The following ATG10 variants were observed in gnomAD, a reference collection of about 807,000 sequenced individuals.
ATG10 encodes the protein autophagy related 10.
In ATG10, 30 loss-of-function variants were observed where a neutral mutation model predicts 32.1. The ratio of observed to expected loss-of-function variants is 0.94; its 90% CI spans 0.70 to 1.27. ATG10 has a LOEUF of 1.27. Among genes scored for constraint, ATG10 ranks in the 50% most tolerant of loss-of-function variants. The pLI is 0.00. For synonymous variants in ATG10, 87 were observed against 91.5 expected (o/e 0.95, Z 0.28); for missense variants, 233 against 262.3 (o/e 0.89, Z 0.77).
rs930049242 is a variant in ATG10 at position 82,178,568 on chromosome 5, G to A, written c.434G>A (p.Trp145Ter). ...AAGATGCGACTGCTACAGGGACCAT[G>A]GGACACTATTACGCAACAGGTTGGA... ...CYKMRLLQGP[W>*]DTITQQEHPI... Residue 145 changes from tryptophan to a stop codon, truncating the protein, a stop_gained, in exon 5 of 8, where the codon TGG becomes TAG. Coordinates refer to ENST00000282185, the MANE Select transcript of ATG10 (RefSeq NM_031482.5). LOFTEE classifies it high-confidence loss of function. 34 of 1,609,876 alleles carry A rather than the reference G, an allele frequency of 2.1e-5. No homozygotes were observed. The highest frequency in any genetic ancestry group is 2.8e-5 in the Non-Finnish European group (33 of 1,176,574).
Position 82,178,503 on chromosome 5 carries a change from A to C in ATG10, c.369A>C (p.Leu123Phe), listed in dbSNP as rs769990188. The C allele has an allele frequency of 1.4e-5, 23 of 1,608,990 alleles. No homozygotes were observed. The Middle Eastern group carries it at 1.3e-3, about 92-fold the overall frequency. Residue 123 changes from leucine (L) to phenylalanine (F), a missense_variant, in exon 5 of 8, where the codon TTA (leucine) becomes TTC (phenylalanine). By Grantham distance (22) the Leu-to-Phe change is conservative. Coordinates refer to ENST00000282185, the MANE Select transcript of ATG10 (RefSeq NM_031482.5). The part of the protein sequence containing the change: ...FRASFLDGRP[L>F]TLKDIWEGVH... ...GCACTTTCACAGATGGGAGACCTTT[A>C]ACTCTGAAGGACATATGGGAAGGAG...
intron 3 of ATG10, among the ~76,000 whole-genome samples, chr5:82,151,028 G>T (rs1767572943): frequency 6.6e-6 from 1 of 152,134 alleles, no homozygotes. Flanking sequence ...GATCAATTTT[G>T]CCTTCATAAT....
intron 3 of ATG10, among the ~76,000 whole-genome samples, chr5:82,113,356 A>T (rs1765675818): frequency 6.6e-6 from 1 of 152,046 alleles, no homozygotes; most frequent in African/African-American, 2.4e-5. Context: ...ATTGCAGACT[A>T]GCAAACTAAA....
At chr5:81,985,565 C>T (rs994523412) in intron 1 of ATG10, among the ~76,000 whole-genome samples, 4 of 152,162 alleles carry the variant, frequency 2.6e-5, no homozygotes, top group African/African-American at 9.7e-5. Flanking sequence ...CAAACCTGCT[C>T]TTCCTCCAGA....
intron 2 of ATG10, among the ~76,000 whole-genome samples, chr5:82,029,390 C>T (rs189055848): frequency 2.6e-4 from 40 of 152,248 alleles, no homozygotes; most frequent in Admixed American, 1.3e-3. Context: ...CCAGTTTACC[C>T]TATTATTCAA....
At chr5:82,053,436 T>C (rs1025184042) in intron 2 of ATG10, among the ~76,000 whole-genome samples, 2 of 144,384 alleles carry the variant, frequency 1.4e-5, no homozygotes, top group Non-Finnish European at 3.0e-5. Context: ...TTTCACATTT[T>C]GATATGTCTT....
chr5:82,082,450 C>G (rs1764517120), intron 3 of ATG10, among the ~76,000 whole-genome samples: 2 of 152,112 alleles, frequency 1.3e-5, no homozygotes, highest in Non-Finnish European at 1.5e-5. Flanking sequence ...GGCTCAGTTT[C>G]TTTTTCTTTC....
At chr5:82,044,236 AG>A (rs919882775) in intron 2 of ATG10, among the ~76,000 whole-genome samples, 13 of 152,056 alleles carry the variant, frequency 8.5e-5, no homozygotes, top group African/African-American at 2.2e-4. Flanking sequence ...GAGCGAGCAA[AG>A]GGGGAAGTGC....
chr5:81,996,079 A>T (rs1364099116), intron 2 of ATG10, among the ~76,000 whole-genome samples: 3 of 152,228 alleles, frequency 2.0e-5, no homozygotes, highest in Non-Finnish European at 4.4e-5. Context: ...AAATCAATTT[A>T]GTTTAATTTA....
chr5:81,976,834 C>T (rs529390786), intron 1 of ATG10, among the ~76,000 whole-genome samples: 9 of 152,154 alleles, frequency 5.9e-5, no homozygotes, highest in Non-Finnish European at 1.0e-4. Context: ...TTTGCAACCT[C>T]CAGCATAAAT....
chr5:81,982,433 G>A (rs1761076397), intron 1 of ATG10, among the ~76,000 whole-genome samples: 1 of 152,056 alleles, frequency 6.6e-6, no homozygotes, highest in East Asian at 1.9e-4. Flanking sequence ...GCCACTGCCT[G>A]GGCGATTCCG....
intron 3 of ATG10, among the ~76,000 whole-genome samples, chr5:82,065,913 G>C (rs2149760684): frequency 6.6e-6 from 1 of 151,424 alleles, no homozygotes; most frequent in East Asian, 1.9e-4. Context: ...TTTTTTTTAA[G>C]GTTCTAAATT....
chr5:82,011,280 A>G (rs1415696793), intron 2 of ATG10, among the ~76,000 whole-genome samples: 2 of 152,236 alleles, frequency 1.3e-5, no homozygotes, highest in Non-Finnish European at 1.5e-5. Flanking sequence ...GCCTCAATAC[A>G]TATACTGAAT....
chr5:82,065,671 A>G (rs1359809256), intron 3 of ATG10, among the ~76,000 whole-genome samples: 1 of 152,044 alleles, frequency 6.6e-6, no homozygotes, highest in East Asian at 1.9e-4. Flanking sequence ...AGAAATTGAG[A>G]TATCATTTAA....
intron 2 of ATG10, among the ~76,000 whole-genome samples, chr5:82,024,613 A>C (rs566083047): frequency 1.3e-5 from 2 of 152,240 alleles, no homozygotes; most frequent in Admixed American, 1.3e-4. Context: ...CATTTGGTCT[A>C]GGATAAGATT....
At chr5:82,058,669 T>TA in intron 3 of ATG10, 67 bp downstream of exon 3, 1 of 1,061,424 alleles carries the variant, frequency 9.4e-7, no homozygotes, top group Non-Finnish European at 1.4e-6. Context: ...ATGTATACTT[T>TA]AATGACTCCA....
chr5:82,168,457 C>T (rs1743666042), intron 4 of ATG10, among the ~76,000 whole-genome samples: 1 of 152,134 alleles, frequency 6.6e-6, no homozygotes, highest in South Asian at 2.1e-4. Context: ...CTTTGGATGA[C>T]ATATGGGTTC....
chr5:82,031,496 G>A (rs572577464), intron 2 of ATG10, among the ~76,000 whole-genome samples: 40 of 152,334 alleles, frequency 2.6e-4, no homozygotes, highest in Non-Finnish European at 4.4e-5. Flanking sequence ...ATTAAACAAA[G>A]TAGGGTTAAG....
At chr5:82,016,864 ATT>A (rs1007802923) in intron 2 of ATG10, among the ~76,000 whole-genome samples, 1 of 151,052 alleles carries the variant, frequency 6.6e-6, no homozygotes, top group Non-Finnish European at 1.5e-5. Context: ...AATTTTTTGT[ATT>A]TTTTTAGTAG....
Sources: allele counts gnomAD v4.1 joint callset (sites outside exome capture counted in the v4.1 genomes callset), GRCh38; gene constraint gnomAD v4.1.1; transcripts MANE v1.5; gene names NCBI Gene and HGNC (gene_info 2026-07-23, HGNC 2026-07-21).